Variants in GDPD4 observed in about 807,000 individuals in gnomAD.
GDPD4 encodes the protein glycerophosphodiester phosphodiesterase 6.
In GDPD4, 60 loss-of-function variants were observed where a neutral mutation model predicts 67.8. The observed-to-expected ratio is 0.88, with a 90% CI of 0.72 to 1.10. The LOEUF (loss-of-function observed/expected upper bound fraction) is 1.10, where lower values mean the gene tolerates loss of function less well. Ranked by LOEUF, GDPD4 falls within the 50% of genes least tolerant of loss-of-function variation. The pLI, the probability that GDPD4 is intolerant of heterozygous loss-of-function variation, is 0.00. For synonymous variants in GDPD4, 212 were observed against 210.9 expected (o/e 1.00, Z -0.04); for missense variants, 623 against 613.9 (o/e 1.01, Z -0.16).
chr11:77,299,826 T>C (rs1377434006), intron 1 of GDPD4, among the ~76,000 whole-genome samples: 1 of 152,114 alleles, frequency 6.6e-6, no homozygotes, highest in Non-Finnish European at 1.5e-5. Context: ...CAGAAAAAGG[T>C]GTGAACACAA....
At chr11:77,280,316 T>C (rs570760951) in intron 3 of GDPD4, among the ~76,000 whole-genome samples, 1 of 152,118 alleles carries the variant, frequency 6.6e-6, no homozygotes, top group South Asian at 2.1e-4. Flanking sequence ...ATATTTAAGA[T>C]CTTCCATGAT....
chr11:77,258,896 G>GCA (rs539986904), intron 10 of GDPD4, among the ~76,000 whole-genome samples: 32 of 152,308 alleles, frequency 2.1e-4, no homozygotes, highest in African/African-American at 7.2e-4. Flanking sequence ...ACCATACTAA[G>GCA]CAGGTGTCCA....
At chr11:77,248,364 A>G (rs761666263) in intron 11 of GDPD4, among the ~76,000 whole-genome samples, 70 of 151,150 alleles carry the variant, frequency 4.6e-4, no homozygotes, top group Non-Finnish European at 8.9e-4. Context: ...GATGACGCCC[A>G]GCTCATTGTT....
chr11:77,293,504 A>G (rs1050132884), intron 1 of GDPD4, among the ~76,000 whole-genome samples: 1 of 151,798 alleles, frequency 6.6e-6, no homozygotes, highest in African/African-American at 2.4e-5. Flanking sequence ...CTGAGGCAGG[A>G]GGATTGCTTG....
Position 77,229,165 on chromosome 11 carries a change from A to G in GDPD4, c.1457T>C (p.Ile486Thr), listed in dbSNP as rs1483795481. ...DIISVLFIVA[I>T]FCFHWRRETE... Reference sequence around the variant, plus strand: ...ATATACTTACCAGTGAAAACAAAATATGGCAACAATAAAAAGCACAGAAAT... The same window carrying G: ...ATATACTTACCAGTGAAAACAAAATGTGGCAACAATAAAAAGCACAGAAAT... The change falls in exon 15 of 17, where the codon ATA (isoleucine) becomes ACA (threonine). Residue 486 changes from isoleucine (I) to threonine (T), a missense_variant. Physicochemically the swap from Ile to Thr is moderately conservative, Grantham distance 89. Coordinates refer to ENST00000315938, the MANE Select transcript of GDPD4 (RefSeq NM_182833.3). The G allele has an allele frequency of 1.4e-5, 22 of 1,589,672 alleles. No homozygotes were observed. The highest frequency in any genetic ancestry group is 1.9e-5 in the Non-Finnish European group (22 of 1,161,218).
At chr11:77,228,736 T>C (rs1311263377) in intron 15 of GDPD4, among the ~76,000 whole-genome samples, 1 of 152,092 alleles carries the variant, frequency 6.6e-6, no homozygotes, top group African/African-American at 2.4e-5. Flanking sequence ...AGCAGTTGTT[T>C]TCCCAGGGTC....
chr11:77,236,404 A>G (rs1958568859), intron 13 of GDPD4, among the ~76,000 whole-genome samples: 1 of 152,096 alleles, frequency 6.6e-6, no homozygotes, highest in East Asian at 1.9e-4. Flanking sequence ...TCATTGGTGA[A>G]CTAAATATTA....
chr11:77,230,326 T>TA (rs1276364983), intron 14 of GDPD4, among the ~76,000 whole-genome samples: 1 of 152,260 alleles, frequency 6.6e-6, no homozygotes, highest in Admixed American at 6.5e-5. Flanking sequence ...TAGTGCAATG[T>TA]AATTAGATGC....
At chr11:77,296,968 C>T (rs1417895091) in intron 1 of GDPD4, among the ~76,000 whole-genome samples, 4 of 149,578 alleles carry the variant, frequency 2.7e-5, no homozygotes, top group Non-Finnish European at 4.5e-5. Flanking sequence ...GCAGAAGAAT[C>T]GCTTGAACCC....
rs775056485 is a variant in GDPD4, at chr11:77,279,359, T to C, written c.94A>G (p.Ile32Val). The C allele has an allele frequency of 6.8e-6, 11 of 1,612,602 alleles. No homozygotes were observed. Among genetic ancestry groups the C allele is most frequent in the African/African-American group, 5.3e-5 (4 of 74,840 alleles). The change falls in exon 4 of 17, where the codon ATT becomes GTT. Residue 32 changes from isoleucine (I) to valine (V), a missense_variant. Transcript: ENST00000315938. Reference protein sequence around the residue: ...LGTGYWFFWSIFILSLARILT... With the variant: ...LGTGYWFFWSVFILSLARILT... ...ATCCTAGCTAAACTCAGAATAAAAA[T>C]AGACCAGAAAAACCAGTATCCTGTT...
intron 5 of GDPD4, among the ~76,000 whole-genome samples, chr11:77,272,840 G>A (rs2135875316): frequency 6.6e-6 from 1 of 152,056 alleles, no homozygotes; most frequent in East Asian, 1.9e-4. Flanking sequence ...CTCATATAGG[G>A]TCTTTCCTCT....
At position 77,233,073 on chromosome 11, in the gene GDPD4, T is replaced by A; in HGVS notation, c.1341A>T (p.Thr447=). The change falls in exon 14 of 17, where the codon ACA becomes ACT. Residue 447 remains threonine (T), a synonymous_variant. Coordinates refer to ENST00000315938, the MANE Select transcript of GDPD4 (RefSeq NM_182833.3). ...AWCSRINSVT[T]DNIGLLSQLD... is the part of the protein sequence containing the mutation. ...GCTGACTCAGGAGCCCAATGTTGTC[T>A]GTGGTCACTGAGTTAATCCTGGAGC... The A allele has an allele frequency of 6.2e-7, 1 of 1,614,126 alleles. No homozygotes were observed. Among genetic ancestry groups the A allele is most frequent in the Non-Finnish European group, 8.5e-7 (1 of 1,179,986 alleles).
chr11:77,247,218 A>G (rs995948774), intron 11 of GDPD4, among the ~76,000 whole-genome samples: 6 of 152,186 alleles, frequency 3.9e-5, no homozygotes, highest in Non-Finnish European at 7.4e-5. Flanking sequence ...TGAAAGCTAC[A>G]ACTAATGGTT....
intron 16 of GDPD4, among the ~76,000 whole-genome samples, chr11:77,227,454 A>G (rs1434948149): frequency 6.6e-6 from 1 of 152,156 alleles, no homozygotes; most frequent in Non-Finnish European, 1.5e-5. Context: ...TGTCAATGCT[A>G]TACTTTTGCC....
chr11:77,228,771 A>G (rs79078667), intron 15 of GDPD4, among the ~76,000 whole-genome samples: 2 of 152,326 alleles, frequency 1.3e-5, no homozygotes, highest in Non-Finnish European at 2.9e-5. Flanking sequence ...GGACAAAGCC[A>G]GAGCTAAAAC....
intron 11 of GDPD4, 93 bp downstream of exon 11, chr11:77,258,293 C>A: frequency 8.8e-7 from 1 of 1,140,698 alleles, no homozygotes; most frequent in Non-Finnish European, 1.3e-6. Context: ...GGATACTTGC[C>A]TATCTTCATC....
At chr11:77,247,392 A>G (rs111601629) in intron 11 of GDPD4, among the ~76,000 whole-genome samples, 2,480 of 152,358 alleles carry the variant, frequency 0.016, 23 homozygotes, top group African/African-American at 0.026. Flanking sequence ...AATTCAAAAT[A>G]GCAAAGATGG....
intron 14 of GDPD4, among the ~76,000 whole-genome samples, chr11:77,231,807 T>C (rs1217671472): frequency 2.0e-5 from 3 of 152,168 alleles, no homozygotes; most frequent in Admixed American, 1.3e-4. Context: ...AGTATATACA[T>C]GAAGGGGAGT....
At position 77,258,520 on chromosome 11, in the gene GDPD4, T is replaced by C. The variant is rs1565527559; in HGVS notation, c.730A>G (p.Met244Val). The C allele has an allele frequency of 6.2e-7, 1 of 1,613,866 alleles. No homozygotes were observed. Among genetic ancestry groups the C allele is most frequent in the East Asian group, 2.2e-5 (1 of 44,878 alleles). ...GTTCTTTTCAGGTCAAAGTCATGCA[T>C]GAGGAAAGGCACATGATCATAACTG... is the stretch of plus-strand genomic sequence containing the variant. ...HLSYDHVPFL[M>V]HDFDLKRTTN... The change falls in exon 11 of 17, where the codon ATG (methionine) becomes GTG (valine). Residue 244 changes from methionine (M) to valine (V), a missense_variant. Coordinates refer to ENST00000315938, the MANE Select transcript of GDPD4 (RefSeq NM_182833.3).
Sources: allele counts gnomAD v4.1 joint callset (sites outside exome capture counted in the v4.1 genomes callset), GRCh38; gene constraint gnomAD v4.1.1; transcripts MANE v1.5; gene names NCBI Gene and HGNC (gene_info 2026-07-23, HGNC 2026-07-21).